Variants in PPP2R3A observed in about 807,000 individuals in gnomAD.
PPP2R3A encodes protein phosphatase 2 regulatory subunit B''alpha, also known as serine/threonine-protein phosphatase 2A regulatory subunit B'' subunit alpha.
PPP2R3A carries 80 observed loss-of-function variants against 106.9 expected under a neutral mutation model. That is an observed-to-expected ratio of 0.75 (90% confidence interval 0.62 to 0.90). PPP2R3A has a LOEUF of 0.90. PPP2R3A is among the 40% of genes least tolerant of loss of function. The pLI is 0.00. For missense variants in PPP2R3A, 1,386 were observed against 1,350.4 expected, an observed-to-expected ratio of 1.03 and a Z score of -0.41; for synonymous variants, 483 against 468.3, an observed-to-expected ratio of 1.03 and a Z score of -0.41.
chr3:136,063,489 T>C (rs1218032158), intron 5 of PPP2R3A, among the ~76,000 whole-genome samples: 7 of 152,210 alleles, frequency 4.6e-5, no homozygotes, highest in East Asian at 1.9e-4. Context: ...ACAGGCAACC[T>C]ATAGAATGGG....
At chr3:136,128,068 T>C (rs563469906) in intron 13 of PPP2R3A, among the ~76,000 whole-genome samples, 5 of 152,146 alleles carry the variant, frequency 3.3e-5, no homozygotes, top group Non-Finnish European at 5.9e-5. Context: ...CATGCCAAAT[T>C]TTAAAGACCA....
At position 136,002,601 on chromosome 3, in the gene PPP2R3A, C is replaced by A; in HGVS notation, c.1103C>A (p.Ser368Tyr). The change falls in exon 2 of 14, where the codon TCC (serine) becomes TAC (tyrosine). Residue 368 changes from serine to tyrosine, a missense_variant. Coordinates refer to ENST00000264977, the MANE Select transcript of PPP2R3A (RefSeq NM_002718.5). ...PNSRKMDTVQ[S>Y]IPNNSTNSLY... The stretch of plus-strand genomic sequence containing the variant: ...TCTAGGAAGATGGACACTGTACAAT[C>A]CATTCCAAACAACTCCACAAATTCC... 6.2e-7 allele frequency: 1 copy of A among 1,613,984 alleles called. No individual in the cohort carries two copies. The highest frequency in any genetic ancestry group is 8.5e-7 in the Non-Finnish European group (1 of 1,179,910).
At chr3:135,991,791 G>A (rs1255270540) in intron 1 of PPP2R3A, among the ~76,000 whole-genome samples, 1 of 152,120 alleles carries the variant, frequency 6.6e-6, no homozygotes, top group Non-Finnish European at 1.5e-5. Context: ...TGCCCACCTG[G>A]TGCTTTTTCC....
intron 3 of PPP2R3A, among the ~76,000 whole-genome samples, chr3:136,039,085 G>A (rs1460668707): frequency 6.6e-6 from 1 of 152,082 alleles, no homozygotes; most frequent in Non-Finnish European, 1.5e-5. Flanking sequence ...TGTTCTTTCA[G>A]GATAACTAAT....
intron 5 of PPP2R3A, among the ~76,000 whole-genome samples, chr3:136,051,707 G>C (rs1294440832): frequency 1.3e-5 from 2 of 152,128 alleles, no homozygotes; most frequent in Non-Finnish European, 2.9e-5. Flanking sequence ...CCTAGTCAAT[G>C]AATTTTCACA....
At chr3:136,034,642 T>C (rs1234916068) in intron 3 of PPP2R3A, among the ~76,000 whole-genome samples, 21 of 152,234 alleles carry the variant, frequency 1.4e-4, no homozygotes, top group Admixed American at 1.4e-3. Flanking sequence ...TGTGGCCTCT[T>C]CTATGGTCTA....
intron 2 of PPP2R3A, among the ~76,000 whole-genome samples, chr3:136,009,317 C>T (rs923355632): frequency 6.6e-6 from 1 of 152,086 alleles, no homozygotes; most frequent in African/African-American, 2.4e-5. Context: ...CAGCCCCGCC[C>T]CAACTTTGAA....
At chr3:136,059,758 A>G (rs1165138399) in intron 5 of PPP2R3A, among the ~76,000 whole-genome samples, 1 of 152,244 alleles carries the variant, frequency 6.6e-6, no homozygotes, top group Non-Finnish European at 1.5e-5. Flanking sequence ...GACCAGATAA[A>G]GAAAATGTGA....
At chr3:135,974,276 C>T (rs1279335408) in intron 1 of PPP2R3A, among the ~76,000 whole-genome samples, 1 of 152,164 alleles carries the variant, frequency 6.6e-6, no homozygotes, top group Non-Finnish European at 1.5e-5. Flanking sequence ...GCATTTCAGT[C>T]AGTCTCATGA....
chr3:135,987,541 A>G (rs987266237), intron 1 of PPP2R3A, among the ~76,000 whole-genome samples: 3 of 152,182 alleles, frequency 2.0e-5, no homozygotes, highest in African/African-American at 7.2e-5. Context: ...TTCCAAGGCT[A>G]TTCAGTATAA....
chr3:136,089,484 G>C (rs1190208170), intron 9 of PPP2R3A, among the ~76,000 whole-genome samples: 1 of 152,002 alleles, frequency 6.6e-6, no homozygotes, highest in Non-Finnish European at 1.5e-5. Flanking sequence ...GGATACAGTA[G>C]CCTTATAGTG....
chr3:136,039,735 G>A (rs1025461342), intron 3 of PPP2R3A, among the ~76,000 whole-genome samples: 2 of 152,038 alleles, frequency 1.3e-5, no homozygotes, highest in African/African-American at 2.4e-5. Flanking sequence ...CCATGGCCTG[G>A]GACTTGGGGA....
At chr3:136,072,182 A>C (rs553932992) in intron 6 of PPP2R3A, among the ~76,000 whole-genome samples, 1 of 152,048 alleles carries the variant, frequency 6.6e-6, no homozygotes, top group African/African-American at 2.4e-5. Flanking sequence ...CTCCGTCTCT[A>C]TAATATAAGC....
At chr3:135,967,987 G>A (rs1417633884) in intron 1 of PPP2R3A, among the ~76,000 whole-genome samples, 2 of 152,122 alleles carry the variant, frequency 1.3e-5, no homozygotes, top group African/African-American at 4.8e-5. Flanking sequence ...TACAGACATC[G>A]CAAATGTCCC....
chr3:136,009,948 C>G (rs192864243), intron 2 of PPP2R3A, among the ~76,000 whole-genome samples: 1 of 152,298 alleles, frequency 6.6e-6, no homozygotes, highest in Non-Finnish European at 1.5e-5. Flanking sequence ...AGTGGTCTTG[C>G]TTTAAATTCA....
At chr3:136,011,782 C>A (rs746153797) in intron 2 of PPP2R3A, among the ~76,000 whole-genome samples, 18 of 152,192 alleles carry the variant, frequency 1.2e-4, no homozygotes, top group Non-Finnish European at 2.1e-4. Flanking sequence ...ATTCTGTCAT[C>A]CCCTCTCATG....
chr3:136,070,807 C>G (rs1369248890), intron 6 of PPP2R3A, among the ~76,000 whole-genome samples: 3 of 151,988 alleles, frequency 2.0e-5, no homozygotes, highest in African/African-American at 7.3e-5. Flanking sequence ...ATATCTTTTT[C>G]TGTGTTATGA....
chr3:136,113,561 C>T (rs1343450006), intron 13 of PPP2R3A, among the ~76,000 whole-genome samples: 1 of 152,056 alleles, frequency 6.6e-6, no homozygotes, highest in Admixed American at 6.6e-5. Flanking sequence ...GAGGCCAAGG[C>T]GGGAGGATCA....
In PPP2R3A at chr3:136,141,114, A is replaced by G. The variant is rs539447812; in HGVS notation, c.3330-3929A>G. 7.2e-5 allele frequency among the ~76,000 whole-genome samples: 11 copies of G among 152,346 alleles called. No individual in the cohort carries two copies. The South Asian group carries it at 1.4e-3, about 20-fold the overall frequency. ...TGAGTTACAAAACGGACACTTTACA[A>G]TCAAGTGAGGAACAGATTTAATTAT... On this transcript the variant is annotated intron_variant, in intron 13 of 13. Transcript: ENST00000264977.
Sources: gnomAD v4.1 joint callset for allele counts (sites outside exome capture counted in the v4.1 genomes callset) on GRCh38, gnomAD v4.1.1 for gene constraint, MANE v1.5 for transcripts, NCBI Gene and HGNC (gene_info 2026-07-23, HGNC 2026-07-21) for gene names.